Variants in GRM5 observed in about 807,000 individuals in gnomAD.
GRM5 encodes metabotropic glutamate receptor 5.
A neutral mutation model predicts 83.1 loss-of-function variants in GRM5; 19 were observed. The observed-to-expected ratio is 0.23, with a 90% CI of 0.16 to 0.34. GRM5 has a LOEUF of 0.34. Among genes scored for constraint, GRM5 ranks in the 10% least tolerant of loss-of-function variants. The pLI is 1.00. For missense variants in GRM5, 1,160 were observed against 1,588.3 expected (o/e 0.73, Z 4.58); for synonymous variants, 675 against 633.6 (o/e 1.07, Z -0.98).
rs558075898 is a variant in GRM5 at position 88,506,797 on chromosome 11, G to A, written c.*1795C>T. The A allele has an allele frequency of 6.6e-6, 1 of 152,132 alleles. No individual in the cohort carries two copies. Among genetic ancestry groups the A allele is most frequent in the East Asian group, 1.9e-4 (1 of 5,190 alleles). The allele number at this position is 152,132 out of a possible 1,614,324, so 9.4% of individuals were successfully genotyped here. On this transcript the variant is annotated 3_prime_UTR_variant, in exon 10 of 10. Transcript: ENST00000305447. ...GAATGATAAATTATGCCAATGGACT[G>A]ACTTCTATTTCTCAGTTTATTTTCT...
At chr11:88,522,321 C>G (rs985847152) in intron 9 of GRM5, among the ~76,000 whole-genome samples, 4 of 152,152 alleles carry the variant, frequency 2.6e-5, no homozygotes, top group Non-Finnish European at 5.9e-5. Flanking sequence ...TTAACTACTT[C>G]AACCCCTTAC....
intron 3 of GRM5, among the ~76,000 whole-genome samples, chr11:88,696,165 C>T (rs947414365): frequency 1.3e-5 from 2 of 152,056 alleles, no homozygotes; most frequent in African/African-American, 2.4e-5. Context: ...CCCTGGAGTC[C>T]GATTGCCCAG....
chr11:88,974,515 AT>A (rs1939270486), intron 2 of GRM5, among the ~76,000 whole-genome samples: 1 of 152,186 alleles, frequency 6.6e-6, no homozygotes, highest in African/African-American at 2.4e-5. Context: ...TGAATCATAA[AT>A]GGATGAATTA....
intron 3 of GRM5, among the ~76,000 whole-genome samples, chr11:88,752,879 G>A (rs763071218): frequency 2.6e-4 from 40 of 152,072 alleles, no homozygotes; most frequent in Non-Finnish European, 5.1e-4. Context: ...TTTAATAAAT[G>A]GTGCTCAAAG....
At chr11:88,776,206 G>T (rs1176962962) in intron 3 of GRM5, among the ~76,000 whole-genome samples, 1 of 152,024 alleles carries the variant, frequency 6.6e-6, no homozygotes, top group Non-Finnish European at 1.5e-5. Flanking sequence ...GGCCTTCTTT[G>T]TCTCCTTTGA....
intron 3 of GRM5, among the ~76,000 whole-genome samples, chr11:88,781,827 C>G (rs533260427): frequency 6.6e-6 from 1 of 152,144 alleles, no homozygotes; most frequent in East Asian, 1.9e-4. Flanking sequence ...GACAAGCCAA[C>G]AAAGCTGAGA....
At chr11:89,021,462 C>G (rs1435524090) in intron 2 of GRM5, among the ~76,000 whole-genome samples, 1 of 152,046 alleles carries the variant, frequency 6.6e-6, no homozygotes, top group African/African-American at 2.4e-5. Flanking sequence ...GCTGTATATA[C>G]CAGAATTATT....
intron 3 of GRM5, among the ~76,000 whole-genome samples, chr11:88,708,349 A>C (rs910394653): frequency 7.9e-5 from 12 of 152,104 alleles, no homozygotes. Context: ...TTTCAGCATG[A>C]GATTCAGTGG....
intron 2 of GRM5, among the ~76,000 whole-genome samples, chr11:88,905,498 C>T (rs951188981): frequency 6.6e-6 from 1 of 152,046 alleles, no homozygotes; most frequent in Admixed American, 6.6e-5. Context: ...CCCATCATTA[C>T]ACCTGGCTAA....
chr11:88,524,214 C>CTTTTTTTTTTTTTTTTTTT, intron 9 of GRM5, among the ~76,000 whole-genome samples: 1 of 101,408 alleles, frequency 9.9e-6, no homozygotes, highest in Non-Finnish European at 1.9e-5. Context: ...TTCTTTCTTT[C>CTTTTTTTTTTTTTTTTTTT]TTTTTTTTTT....
At chr11:88,904,096 A>G (rs539142496) in intron 2 of GRM5, among the ~76,000 whole-genome samples, 13 of 152,272 alleles carry the variant, frequency 8.5e-5, no homozygotes, top group African/African-American at 3.1e-4. Flanking sequence ...CAACTGATGA[A>G]GAGGATGCAT....
chr11:88,952,077 A>G (rs541930820), intron 2 of GRM5, among the ~76,000 whole-genome samples: 11 of 152,122 alleles, frequency 7.2e-5, no homozygotes, highest in Non-Finnish European at 1.6e-4. Flanking sequence ...CTCAGGTGTC[A>G]GCTCTCAGCA....
At chr11:88,835,492 T>C (rs1722476611) in intron 3 of GRM5, among the ~76,000 whole-genome samples, 1 of 152,216 alleles carries the variant, frequency 6.6e-6, no homozygotes, top group African/African-American at 2.4e-5. Flanking sequence ...AAATCTCACC[T>C]CTGAGTATCA....
At chr11:88,805,638 T>C (rs1379584350) in intron 3 of GRM5, among the ~76,000 whole-genome samples, 1 of 152,234 alleles carries the variant, frequency 6.6e-6, no homozygotes, top group African/African-American at 2.4e-5. Flanking sequence ...GATTTGACTA[T>C]GAATCTTCAC....
chr11:88,914,293 A>G (rs187714897), intron 2 of GRM5, among the ~76,000 whole-genome samples: 2 of 152,292 alleles, frequency 1.3e-5, no homozygotes, highest in East Asian at 3.9e-4. Context: ...ATTCAAAAAT[A>G]TGAAGAAATA....
intron 2 of GRM5, among the ~76,000 whole-genome samples, chr11:89,026,378 G>C (rs1171118091): frequency 6.6e-6 from 1 of 152,154 alleles, no homozygotes; most frequent in East Asian, 1.9e-4. Context: ...GCCAATAGTA[G>C]TTGACTCCAT....
Position 88,567,952 on chromosome 11 carries a change from G to A in GRM5, c.1731C>T (p.Asp577=), listed in dbSNP as rs139785690. The A allele has an allele frequency of 3.3e-4, 533 of 1,613,864 alleles. 2 individuals carry two copies. In the East Asian group the frequency reaches 6.6e-3, roughly 20 times the overall value. Reference sequence around the variant, plus strand: ...ACACCACAGCTGCAATGGGTTCAGGGTCACCCCATCGAAGATACTGTACTG... The same window carrying A: ...ACACCACAGCTGCAATGGGTTCAGGATCACCCCATCGAAGATACTGTACTG... ...LIPVQYLRWG[D]PEPIAAVVFA... is the part of the protein sequence containing the mutation. The change falls in exon 8 of 10, where the codon GAC becomes GAT. Residue 577 remains aspartate, a synonymous_variant. Transcript: ENST00000305447. This position sits in a 1 kb window ranked among gnomAD's most constrained non-coding sequence, Gnocchi z 7.3.
intron 4 of GRM5, among the ~76,000 whole-genome samples, chr11:88,632,694 T>C (rs1386692680): frequency 1.3e-5 from 2 of 152,228 alleles, no homozygotes; most frequent in Admixed American, 1.3e-4. Flanking sequence ...ATTCCTTAAA[T>C]ACTTAGGAGT....
intron 8 of GRM5, among the ~76,000 whole-genome samples, chr11:88,531,143 A>G (rs995258383): frequency 1.3e-5 from 2 of 152,122 alleles, no homozygotes; most frequent in African/African-American, 4.8e-5. Context: ...AGGGTGTGAT[A>G]TATGCCTGGA....
Sources: allele counts gnomAD v4.1 joint callset (sites outside exome capture counted in the v4.1 genomes callset), GRCh38; gene constraint gnomAD v4.1.1; non-coding constraint Gnocchi (gnomAD v3.1); transcripts MANE v1.5; gene names NCBI Gene and HGNC (gene_info 2026-07-23, HGNC 2026-07-21).